The following FUT9 variants were observed in gnomAD, a reference collection of about 807,000 sequenced individuals.
FUT9 encodes the protein fucosyltransferase 9.
A neutral mutation model predicts 29.7 loss-of-function variants in FUT9; 15 were observed. The ratio of observed to expected loss-of-function variants is 0.51; its 90% CI spans 0.34 to 0.78. The LOEUF is 0.78. Among genes scored for constraint, FUT9 ranks in the 30% least tolerant of loss-of-function variants. The pLI, the probability that FUT9 is intolerant of heterozygous loss-of-function variation, is 0.01. For missense variants in FUT9, 319 were observed against 425.4 expected (o/e 0.75, Z 2.20); for synonymous variants, 169 against 153.7 (o/e 1.10, Z -0.74).
intron 1 of FUT9, among the ~76,000 whole-genome samples, 184 bp from the exon 2 acceptor site, chr6:96,113,855 A>G (rs1582240822): frequency 7.1e-5 from 1 of 14,118 alleles, no homozygotes; most frequent in South Asian, 0.028. Flanking sequence ...CTCCATCTCA[A>G]AAAAAAAAAA....
intron 2 of FUT9, among the ~76,000 whole-genome samples, chr6:96,188,685 T>C (rs1773448869): frequency 7.1e-6 from 1 of 140,902 alleles, no homozygotes. Context: ...ACATATATTT[T>C]TCATTTAACA....
In FUT9 at chr6:96,087,847, A is replaced by G. The variant is rs1219125322; in HGVS notation, c.-97-26192A>G. 2.6e-5 allele frequency among the ~76,000 whole-genome samples: 4 copies of G among 152,208 alleles called. No homozygotes were observed. The East Asian group carries it at 5.8e-4, about 22-fold the overall frequency. Reference sequence around the variant, plus strand: ...TTTCCAGTGCTTATCACTCTTTGGCATAGATCCATGTTTCCACAAGGATCA... The same window carrying G: ...TTTCCAGTGCTTATCACTCTTTGGCGTAGATCCATGTTTCCACAAGGATCA... On this transcript the variant is annotated intron_variant, in intron 1 of 2. Transcript: ENST00000302103.
At chr6:96,194,735 G>C (rs1773587735) in intron 2 of FUT9, among the ~76,000 whole-genome samples, 1 of 151,564 alleles carries the variant, frequency 6.6e-6, no homozygotes, top group Non-Finnish European at 1.5e-5. Context: ...TGGCTGCAAG[G>C]GACTAAACCT....
chr6:96,144,444 C>T (rs567275498), intron 2 of FUT9, among the ~76,000 whole-genome samples: 5 of 152,282 alleles, frequency 3.3e-5, no homozygotes, highest in African/African-American at 7.2e-5. Flanking sequence ...TAATTAGATG[C>T]ACCCTACAAT....
chr6:96,188,649 G>A (rs1476508987), intron 2 of FUT9, among the ~76,000 whole-genome samples: 21 of 150,900 alleles, frequency 1.4e-4, no homozygotes, highest in African/African-American at 4.6e-4. Flanking sequence ...ATATATGTGT[G>A]TGTGTGTGTG....
chr6:96,074,290 AAC>A (rs1230108034), intron 1 of FUT9, among the ~76,000 whole-genome samples: 1 of 152,072 alleles, frequency 6.6e-6, no homozygotes, highest in African/African-American at 2.4e-5. Context: ...TAAAAAATAA[AAC>A]ACAGCATTTA....
intron 2 of FUT9, among the ~76,000 whole-genome samples, chr6:96,149,953 T>C (rs941661065): frequency 2.6e-5 from 4 of 152,190 alleles, no homozygotes; most frequent in East Asian, 1.9e-4. Context: ...CTCTATCTAA[T>C]TGTATTTTCA....
At chr6:96,059,660 A>G (rs1770838012) in intron 1 of FUT9, among the ~76,000 whole-genome samples, 1 of 152,152 alleles carries the variant, frequency 6.6e-6, no homozygotes, top group South Asian at 2.1e-4. Context: ...CTCATTTCTA[A>G]CTGGTGTTAC....
chr6:96,121,442 A>G (rs1473358978), intron 2 of FUT9, among the ~76,000 whole-genome samples: 1 of 152,186 alleles, frequency 6.6e-6, no homozygotes. Flanking sequence ...AACACTTCAC[A>G]GTGAACTAGC....
intron 1 of FUT9, among the ~76,000 whole-genome samples, chr6:96,029,995 G>A (rs901746608): frequency 6.6e-5 from 10 of 151,458 alleles, no homozygotes; most frequent in South Asian, 2.1e-4. Context: ...TCCAAGAAGC[G>A]AAATTGATCA....
intron 2 of FUT9, among the ~76,000 whole-genome samples, chr6:96,189,736 T>G (rs1253995904): frequency 6.6e-6 from 1 of 152,118 alleles, no homozygotes; most frequent in Non-Finnish European, 1.5e-5. Flanking sequence ...AACCCCTGCC[T>G]TTTTTTGTTT....
At chr6:96,128,068 T>TA in intron 2 of FUT9, among the ~76,000 whole-genome samples, 1 of 152,218 alleles carries the variant, frequency 6.6e-6, no homozygotes, top group Admixed American at 6.5e-5. Context: ...ACTACTCTTT[T>TA]AAAAAAGAAA....
chr6:96,165,296 TG>T (rs1315372809), intron 2 of FUT9, among the ~76,000 whole-genome samples: 1 of 151,880 alleles, frequency 6.6e-6, no homozygotes, highest in African/African-American at 2.4e-5. Flanking sequence ...CCGGTCGTGA[TG>T]GTGGGCACCT....
rs941224417 is a variant in FUT9, at chr6:96,209,060, T to C, written c.*4825T>C. 2 of 166,860 alleles carry C rather than the reference T, an allele frequency of 1.2e-5. No individual in the cohort carries two copies. The highest frequency in any genetic ancestry group is 4.8e-5 in the African/African-American group (2 of 41,406). 10.3% of individuals were successfully genotyped at this position (166,860 alleles called of 1,614,324 possible). The stretch of plus-strand genomic sequence containing the variant: ...CAGTTAACAGAATCTAAATAAGATA[T>C]AGCCGGCTAAATCTGGAATGTGAGT... On this transcript the variant is annotated 3_prime_UTR_variant, in exon 3 of 3. Coordinates refer to ENST00000302103, the MANE Select transcript of FUT9 (RefSeq NM_006581.4).
Position 96,203,414 on chromosome 6 carries a change from A to C in FUT9, c.259A>C (p.Asn87His). ...FDLTSCQAMFNIQGCHLTTDR... is the reference protein window; with the variant it reads ...FDLTSCQAMFHIQGCHLTTDR... ...CCTTACATCCTGCCAAGCAATGTTCAACATCCAAGGATGCCATCTCACAAC... is the reference window on the plus strand; with the variant it reads ...CCTTACATCCTGCCAAGCAATGTTCCACATCCAAGGATGCCATCTCACAAC... Residue 87 changes from asparagine to histidine, a missense_variant, in exon 3 of 3, where the codon AAC (asparagine) becomes CAC (histidine). Physicochemically the swap from Asn to His is moderately conservative, Grantham distance 68. Transcript: ENST00000302103. The C allele has an allele frequency of 6.2e-7, 1 of 1,609,570 alleles. No individual in the cohort carries two copies.
intron 2 of FUT9, among the ~76,000 whole-genome samples, chr6:96,196,682 G>A (rs4840241): frequency 4.9e-4 from 74 of 151,988 alleles, no homozygotes; most frequent in African/African-American, 1.7e-3. Flanking sequence ...ACTGCACTCC[G>A]GCCTGGTGAC....
At chr6:96,102,676 G>A (rs1771607998) in intron 1 of FUT9, among the ~76,000 whole-genome samples, 1 of 152,126 alleles carries the variant, frequency 6.6e-6, no homozygotes, top group Non-Finnish European at 1.5e-5. Context: ...TGGATTTGAA[G>A]TTCAAGCTTC....
chr6:96,031,890 A>G (rs1159942380), intron 1 of FUT9, among the ~76,000 whole-genome samples: 1 of 151,520 alleles, frequency 6.6e-6, no homozygotes, highest in Non-Finnish European at 1.5e-5. Context: ...TGGTTTGAGA[A>G]ACACTCATTC....
intron 2 of FUT9, among the ~76,000 whole-genome samples, chr6:96,200,217 T>A (rs1202855068): frequency 6.6e-6 from 1 of 152,184 alleles, no homozygotes; most frequent in East Asian, 1.9e-4. Flanking sequence ...CATATATATG[T>A]GTCAGATACC....
Sources: gnomAD v4.1 joint callset for allele counts (sites outside exome capture counted in the v4.1 genomes callset) on GRCh38, gnomAD v4.1.1 for gene constraint, MANE v1.5 for transcripts, NCBI Gene and HGNC (gene_info 2026-07-23, HGNC 2026-07-21) for gene names.